The following FREM3 variants were observed in gnomAD, a reference collection of about 807,000 sequenced individuals.
The protein encoded by FREM3 is FRAS1-related extracellular matrix protein 3.
Under a neutral mutation model 129.1 loss-of-function variants are expected in FREM3, and 105 were observed. That is an observed-to-expected ratio of 0.81 (90% confidence interval 0.69 to 0.96). The LOEUF is 0.96. Ranked by LOEUF, FREM3 falls within the 40% of genes least tolerant of loss-of-function variation. FREM3 has a pLI of 0.00. For synonymous variants in FREM3, 1,014 were observed against 1,044.9 expected (o/e 0.97, Z 0.57); for missense variants, 2,593 against 2,666.3 (o/e 0.97, Z 0.61).
rs1740615502 is a variant in FREM3 at position 143,698,108 on chromosome 4, G to A, written c.2568C>T (p.Asp856=). The change falls in exon 1 of 8, where the codon GAC becomes GAT. Residue 856 remains aspartate (D), a synonymous_variant. Coordinates refer to ENST00000329798, the MANE Select transcript of FREM3 (RefSeq NM_001168235.2). ...CAATTTGGTCAATGTCTGTGTCTGG[G>A]TCTGTAACATGCAGCTCATTACTGC... The part of the protein sequence containing the change: ...NLSSNELHVT[D]PDTDIDQIVF... 1.3e-6 allele frequency: 2 copies of A among 1,537,424 alleles called. No individual in the cohort carries two copies. Among genetic ancestry groups the A allele is most frequent in the Non-Finnish European group, 1.7e-6 (2 of 1,146,944 alleles).
rs1240319966 is a variant in FREM3, at chr4:143,697,667, G to T, written c.3009C>A (p.Pro1003=). Residue 1003 remains proline, a synonymous_variant, in exon 1 of 8, where the codon CCC becomes CCA. Coordinates refer to ENST00000329798, the MANE Select transcript of FREM3 (RefSeq NM_001168235.2). The stretch of plus-strand genomic sequence containing the variant: ...GATCCTCTTGGGTGAATCGTTCTGT[G>T]GGCAAACCATTTACCAGAATAGTGC... The part of the protein sequence containing the change: ...KLGTILVNGL[P]TERFTQEDLI... 7 of 1,537,712 alleles carry T rather than the reference G, an allele frequency of 4.6e-6. No individual in the cohort carries two copies. Among genetic ancestry groups the T allele is most frequent in the Non-Finnish European group, 6.1e-6 (7 of 1,147,064 alleles).
intron 2 of FREM3, among the ~76,000 whole-genome samples, chr4:143,692,521 G>A (rs766059085): frequency 5.9e-5 from 9 of 152,114 alleles, no homozygotes; most frequent in Non-Finnish European, 1.2e-4. Context: ...TGAATCCCTA[G>A]GTGTGTAAAG....
At chr4:143,641,746 T>G (rs1578847119) in intron 2 of FREM3, among the ~76,000 whole-genome samples, 1 of 152,338 alleles carries the variant, frequency 6.6e-6, no homozygotes, top group Non-Finnish European at 1.5e-5. Flanking sequence ...AATTGTTAGT[T>G]AAATAAAAAG....
At chr4:143,695,226 G>A (rs1740543175) in intron 1 of FREM3, among the ~76,000 whole-genome samples, 1 of 152,186 alleles carries the variant, frequency 6.6e-6, no homozygotes, top group Non-Finnish European at 1.5e-5. Context: ...AGCAGAAGCT[G>A]TCCTCCCGTG....
intron 2 of FREM3, among the ~76,000 whole-genome samples, chr4:143,680,684 G>T (rs937770964): frequency 2.0e-5 from 3 of 151,984 alleles, no homozygotes; most frequent in Admixed American, 6.6e-5. Flanking sequence ...AAGCATTTTT[G>T]AATCAGGCGT....
At chr4:143,615,244 C>T (rs1379354840) in intron 5 of FREM3, among the ~76,000 whole-genome samples, 2 of 152,222 alleles carry the variant, frequency 1.3e-5, no homozygotes, top group African/African-American at 4.8e-5. Context: ...AAAGACCCAT[C>T]TCCTGATAGT....
intron 2 of FREM3, among the ~76,000 whole-genome samples, chr4:143,678,512 C>T (rs1740190169): frequency 1.3e-5 from 2 of 151,784 alleles, no homozygotes; most frequent in Admixed American, 1.3e-4. Flanking sequence ...GCACATTGTG[C>T]ACATGTACCC....
chr4:143,610,465 G>A (rs562640010), intron 6 of FREM3, among the ~76,000 whole-genome samples: 39 of 152,194 alleles, frequency 2.6e-4, no homozygotes, highest in Non-Finnish European at 4.7e-4. Flanking sequence ...AAGCTTTGTG[G>A]TGCATCCATA....
At chr4:143,693,701 T>C (rs1316631085) in intron 1 of FREM3, among the ~76,000 whole-genome samples, 3 of 152,198 alleles carry the variant, frequency 2.0e-5, no homozygotes, top group African/African-American at 7.2e-5. Context: ...TCAACCTAAA[T>C]GTCCATCAAT....
intron 5 of FREM3, 94 bp downstream of exon 5, chr4:143,620,943 C>A: frequency 7.9e-7 from 1 of 1,272,130 alleles, no homozygotes; most frequent in South Asian, 1.4e-5. Context: ...CATCTTAACT[C>A]TGCTTTGCTC....
At chr4:143,678,979 C>T (rs1740199871) in intron 2 of FREM3, among the ~76,000 whole-genome samples, 1 of 152,094 alleles carries the variant, frequency 6.6e-6, no homozygotes, top group African/African-American at 2.4e-5. Context: ...ATATTCTGCT[C>T]TGTGAATAAT....
chr4:143,685,608 A>G (rs1250624975), intron 2 of FREM3, among the ~76,000 whole-genome samples: 1 of 152,228 alleles, frequency 6.6e-6, no homozygotes, highest in Non-Finnish European at 1.5e-5. Context: ...CAAAAAACAA[A>G]TAACCAAAAA....
chr4:143,613,688 C>T (rs536645835), intron 5 of FREM3, among the ~76,000 whole-genome samples: 83 of 152,304 alleles, frequency 5.4e-4, no homozygotes, highest in African/African-American at 1.9e-3. Flanking sequence ...TTAAACAGAA[C>T]TATACCTTTG....
At chr4:143,651,404 G>A (rs770982949) in intron 2 of FREM3, among the ~76,000 whole-genome samples, 19 of 152,178 alleles carry the variant, frequency 1.2e-4, no homozygotes, top group East Asian at 1.2e-3. Context: ...ACAAAAGACC[G>A]AAATCCCAAT....
At chr4:143,617,521 A>T (rs1282009278) in intron 5 of FREM3, among the ~76,000 whole-genome samples, 7 of 152,216 alleles carry the variant, frequency 4.6e-5, no homozygotes, top group African/African-American at 1.4e-4. Context: ...TACAAGGACA[A>T]ACCTTTGTAA....
At chr4:143,639,104 A>G (rs998314065) in intron 2 of FREM3, among the ~76,000 whole-genome samples, 3 of 152,084 alleles carry the variant, frequency 2.0e-5, no homozygotes, top group African/African-American at 7.2e-5. Context: ...AGTTTTAGAA[A>G]ACAGAATTTT....
Position 143,579,425 on chromosome 4 carries a change from C to T in FREM3, c.6179-1573G>A, listed in dbSNP as rs549701953. Among the ~76,000 whole-genome samples the T allele has an allele frequency of 2.0e-4, 30 of 152,268 alleles. No homozygotes were observed. In the East Asian group the frequency reaches 5.8e-3, roughly 29 times the overall value. ...CTGAGATCACGCCACTGTACTCCAGCCTGGGTGACAGAGTGAGAGCCTGTC... is the reference window on the plus strand; with the variant it reads ...CTGAGATCACGCCACTGTACTCCAGTCTGGGTGACAGAGTGAGAGCCTGTC... On this transcript the variant is annotated intron_variant, in intron 7 of 7. Transcript: ENST00000329798.
At position 143,697,214 on chromosome 4, in the gene FREM3, A is replaced by G. The variant is rs1368733803; in HGVS notation, c.3462T>C (p.Ser1154=). 1.3e-6 allele frequency: 2 copies of G among 1,537,546 alleles called. No individual in the cohort carries two copies. Among genetic ancestry groups the G allele is most frequent in the East Asian group, 4.9e-5 (2 of 40,922 alleles). The change falls in exon 1 of 8, where the codon AGT becomes AGC. Residue 1154 remains serine, a synonymous_variant. Transcript: ENST00000329798. ...CTTGTGGCTCTACTCCCTTGTGAATACTCTGTACATAATTGATATGCCTCA... is the reference window on the plus strand; with the variant it reads ...CTTGTGGCTCTACTCCCTTGTGAATGCTCTGTACATAATTGATATGCCTCA... ...IQVRHINYVQ[S]IHKGVEPQED...
At chr4:143,689,774 A>G (rs1740432691) in intron 2 of FREM3, among the ~76,000 whole-genome samples, 1 of 151,970 alleles carries the variant, frequency 6.6e-6, no homozygotes, top group South Asian at 2.1e-4. Context: ...AAATGAATTA[A>G]CTCAGGAATG....
Sources: allele counts gnomAD v4.1 joint callset (sites outside exome capture counted in the v4.1 genomes callset), GRCh38; gene constraint gnomAD v4.1.1; transcripts MANE v1.5; gene names NCBI Gene and HGNC (gene_info 2026-07-23, HGNC 2026-07-21).